MAST4: variants seen among roughly 807,000 people sequenced by gnomAD.
MAST4 encodes microtubule-associated serine/threonine-protein kinase 4.
In MAST4, 89 loss-of-function variants were observed where a neutral mutation model predicts 162.7. That is an observed-to-expected ratio of 0.55 (90% confidence interval 0.46 to 0.65). MAST4 has a LOEUF of 0.65. MAST4 is among the 30% of genes least tolerant of loss of function. The pLI, the probability that MAST4 is intolerant of heterozygous loss-of-function variation, is 0.00. For synonymous variants in MAST4, 1,479 were observed against 1,361.1 expected (o/e 1.09, Z -1.91); for missense variants, 3,153 against 3,374.0 (o/e 0.93, Z 1.62).
chr5:67,100,351 C>T (rs977826613), intron 7 of MAST4, 84 bp from the exon 8 acceptor site: 6 of 1,370,094 alleles, frequency 4.4e-6, no homozygotes, highest in Non-Finnish European at 6.1e-6. Context: ...TGGTATTGTC[C>T]AAGTTTAACT....
At chr5:66,878,200 C>G (rs568840805) in intron 3 of MAST4, among the ~76,000 whole-genome samples, 5 of 152,308 alleles carry the variant, frequency 3.3e-5, no homozygotes, top group African/African-American at 9.6e-5. Flanking sequence ...ATTTTCTTCT[C>G]TCCTGGTCAT....
chr5:66,761,562 T>A (rs75969851), intron 2 of MAST4, among the ~76,000 whole-genome samples: 1 of 131,762 alleles, frequency 7.6e-6, no homozygotes, highest in African/African-American at 2.9e-5. Flanking sequence ...GAATTACTCA[T>A]TTTTTTTTTT....
At chr5:66,842,724 T>G (rs1323076676) in intron 3 of MAST4, among the ~76,000 whole-genome samples, 1 of 152,204 alleles carries the variant, frequency 6.6e-6, no homozygotes, top group Admixed American at 6.6e-5. Flanking sequence ...GATGAGAGTC[T>G]ATACATTTGA....
In MAST4 at chr5:67,095,610, C is replaced by G; in HGVS notation, c.847C>G (p.Arg283Gly). The G allele has an allele frequency of 6.2e-7, 1 of 1,609,042 alleles. No homozygotes were observed. Among genetic ancestry groups the G allele is most frequent in the Non-Finnish European group, 8.5e-7 (1 of 1,177,312 alleles). ...FSFARRTDGR[R>G]WSLASLPSSG... is the part of the protein sequence containing the mutation. Reference sequence around the variant, plus strand: ...CTTTCTCAATAGGACTGATGGACGCCGCTGGTCGTTGGCTTCTCTCCCTTC... The same window carrying G: ...CTTTCTCAATAGGACTGATGGACGCGGCTGGTCGTTGGCTTCTCTCCCTTC... Residue 283 changes from arginine (R) to glycine (G), a missense_variant, in exon 7 of 29, where the codon CGC becomes GGC. Coordinates refer to ENST00000403625, the MANE Select transcript of MAST4 (RefSeq NM_001164664.2).
Position 66,748,283 on chromosome 5 carries a change from C to G in MAST4, c.364-11426C>G, listed in dbSNP as rs77229872. Among the ~76,000 whole-genome samples the G allele has an allele frequency of 5.4e-3, 818 of 152,010 alleles. 7 individuals are homozygous for G. Among genetic ancestry groups the G allele is most frequent in the South Asian group, 0.05 (239 of 4,806 alleles). On this transcript the variant is annotated intron_variant, in intron 1 of 28. Transcript: ENST00000403625. Reference sequence around the variant, plus strand: ...TGGCACACAGCCGCTTAATAAATGTCTATAAAAAGAGATGAGTCTTCATAA... The same window carrying G: ...TGGCACACAGCCGCTTAATAAATGTGTATAAAAAGAGATGAGTCTTCATAA...
chr5:66,970,312 A>G (rs1258257681), intron 4 of MAST4, among the ~76,000 whole-genome samples: 1 of 152,240 alleles, frequency 6.6e-6, no homozygotes, highest in Non-Finnish European at 1.5e-5. Context: ...AGTGGGTAGC[A>G]GTAATGGGGA....
At chr5:66,628,349 T>C (rs917197902) in intron 1 of MAST4, among the ~76,000 whole-genome samples, 7 of 151,448 alleles carry the variant, frequency 4.6e-5, no homozygotes, top group Admixed American at 1.3e-4. Flanking sequence ...TCTTTTTTTT[T>C]TTTTTTTAAG....
intron 4 of MAST4, among the ~76,000 whole-genome samples, chr5:66,963,000 C>A (rs546431094): frequency 9.3e-5 from 14 of 151,210 alleles, no homozygotes; most frequent in Non-Finnish European, 1.9e-4. Flanking sequence ...CTATTCCAAC[C>A]ACACTGTGAT....
At chr5:67,078,914 A>AAATATATATATATAT (rs61003105) in intron 5 of MAST4, among the ~76,000 whole-genome samples, 18 of 39,664 alleles carry the variant, frequency 4.5e-4, no homozygotes, top group East Asian at 3.7e-3. Context: ...TTATATAAAT[A>AAATATATATATATAT]TATATATATA....
intron 4 of MAST4, among the ~76,000 whole-genome samples, chr5:66,908,963 G>A (rs1325006394): frequency 6.6e-6 from 1 of 152,204 alleles, no homozygotes; most frequent in Non-Finnish European, 1.5e-5. Flanking sequence ...GTTTATGACA[G>A]TACCTGGCAT....
Position 66,895,665 on chromosome 5 carries a change from C to T in MAST4, c.643-4286C>T, listed in dbSNP as rs529190870. 5.3e-5 allele frequency among the ~76,000 whole-genome samples: 8 copies of T among 152,210 alleles called. No individual in the cohort carries two copies. In the East Asian group the frequency reaches 1.5e-3, roughly 29 times the overall value. On this transcript the variant is annotated intron_variant, in intron 3 of 28. Coordinates refer to ENST00000403625, the MANE Select transcript of MAST4 (RefSeq NM_001164664.2). ...ACTCCTTACCATCTTCATTGCTGGT[C>T]CTAGCTAGAATCTCTCTCACCTACA...
chr5:67,093,891 A>G (rs1483908620), intron 6 of MAST4, among the ~76,000 whole-genome samples: 3 of 152,216 alleles, frequency 2.0e-5, no homozygotes, highest in African/African-American at 7.2e-5. Flanking sequence ...TTTAAAATAT[A>G]TAGTGCAGGT....
At chr5:66,755,314 G>C (rs780244757) in intron 1 of MAST4, among the ~76,000 whole-genome samples, 1 of 152,162 alleles carries the variant, frequency 6.6e-6, no homozygotes, top group Non-Finnish European at 1.5e-5. Flanking sequence ...GCCATTTACT[G>C]AAATTGGAAA....
chr5:66,714,814 T>C (rs1174522767), intron 1 of MAST4, among the ~76,000 whole-genome samples: 1 of 152,250 alleles, frequency 6.6e-6, no homozygotes, highest in Non-Finnish European at 1.5e-5. Context: ...CTGGTCTGTC[T>C]GTGGTACTTT....
chr5:66,846,407 A>AT (rs1372728901), intron 3 of MAST4, among the ~76,000 whole-genome samples: 3 of 152,058 alleles, frequency 2.0e-5, no homozygotes, highest in Non-Finnish European at 4.4e-5. Flanking sequence ...GCTATGATGT[A>AT]TTTTTTTCAA....
intron 3 of MAST4, among the ~76,000 whole-genome samples, chr5:66,867,525 A>G (rs1381872446): frequency 2.0e-5 from 3 of 152,262 alleles, no homozygotes; most frequent in Non-Finnish European, 4.4e-5. Context: ...TGGTGAAAGC[A>G]TTTAGCATAG....
At chr5:67,094,206 A>G (rs770729370) in intron 6 of MAST4, 3 of 1,403,494 alleles carry the variant, frequency 2.1e-6, no homozygotes, top group South Asian at 3.0e-5. Context: ...TAGTTCTGTG[A>G]TTTGTCCACT....
At chr5:66,921,882 ATTATC>A (rs957512191) in intron 4 of MAST4, among the ~76,000 whole-genome samples, 1 of 152,226 alleles carries the variant, frequency 6.6e-6, no homozygotes, top group African/African-American at 2.4e-5. Context: ...ATTAAATAAT[ATTATC>A]TTCTTGTGAA....
At chr5:67,092,593 T>C (rs755045983) in intron 6 of MAST4, among the ~76,000 whole-genome samples, 12 of 152,202 alleles carry the variant, frequency 7.9e-5, no homozygotes, top group Admixed American at 2.0e-4. Flanking sequence ...AAAAATACTC[T>C]CGTGCCTTTC....
Sources: gnomAD v4.1 joint callset for allele counts (sites outside exome capture counted in the v4.1 genomes callset) on GRCh38, gnomAD v4.1.1 for gene constraint, MANE v1.5 for transcripts, NCBI Gene and HGNC (gene_info 2026-07-23, HGNC 2026-07-21) for gene names.